DPT: variants seen among roughly 807,000 people sequenced by gnomAD.
DPT encodes the protein tyrosine-rich acidic matrix protein.
DPT carries 21 observed loss-of-function variants against 31.2 expected under a neutral mutation model. The ratio of observed to expected loss-of-function variants is 0.67; its 90% confidence interval spans 0.48 to 0.97. The LOEUF (loss-of-function observed/expected upper bound fraction) is 0.97. Ranked by LOEUF, DPT falls within the 50% of genes least tolerant of loss-of-function variation. The pLI, the probability that DPT is intolerant of heterozygous loss-of-function variation, is 0.00. For missense variants in DPT, 262 were observed against 258.8 expected, an observed-to-expected ratio of 1.01 and a Z score of -0.08; for synonymous variants, 91 against 86.9, an observed-to-expected ratio of 1.05 and a Z score of -0.26.
At chr1:168,719,786 G>A (rs1650061939) in intron 1 of DPT, among the ~76,000 whole-genome samples, 1 of 101,500 alleles carries the variant, frequency 9.9e-6, no homozygotes. Flanking sequence ...TCCCATCTGA[G>A]AAGACATACT....
intron 2 of DPT, among the ~76,000 whole-genome samples, chr1:168,712,151 A>T (rs1483998616): frequency 1.3e-5 from 2 of 152,212 alleles, no homozygotes; most frequent in East Asian, 3.9e-4. Flanking sequence ...TATCCTCCAG[A>T]CACTGGAAGT....
intron 1 of DPT, among the ~76,000 whole-genome samples, chr1:168,724,657 C>T (rs571454721): frequency 1.3e-5 from 2 of 152,170 alleles, no homozygotes; most frequent in Admixed American, 6.6e-5. Context: ...AAAGCATCCC[C>T]GAGGAAGTGG....
chr1:168,711,051 C>T (rs1043861004), intron 2 of DPT, among the ~76,000 whole-genome samples: 3 of 151,220 alleles, frequency 2.0e-5, no homozygotes, highest in African/African-American at 7.3e-5. Flanking sequence ...TGCTCTGTCG[C>T]CCAGGCTGGA....
intron 1 of DPT, among the ~76,000 whole-genome samples, chr1:168,723,155 G>A (rs1473158296): frequency 2.6e-5 from 4 of 152,196 alleles, no homozygotes; most frequent in Non-Finnish European, 5.9e-5. Flanking sequence ...GTCATCCTTA[G>A]GTGGATTTGA....
intron 1 of DPT, among the ~76,000 whole-genome samples, chr1:168,721,720 A>G (rs1384961461): frequency 6.6e-6 from 1 of 152,108 alleles, no homozygotes. Flanking sequence ...CCTAACACAT[A>G]CTGTCACTGA....
intron 2 of DPT, among the ~76,000 whole-genome samples, chr1:168,711,990 T>C (rs7532043): frequency 0.062 from 9,405 of 152,192 alleles, 944 homozygotes; most frequent in African/African-American, 0.21. Flanking sequence ...AAAAATTTTA[T>C]GTAAGAGAAT....
chr1:168,721,671 C>G (rs999029813), intron 1 of DPT, among the ~76,000 whole-genome samples: 2 of 152,172 alleles, frequency 1.3e-5, no homozygotes, highest in Admixed American at 6.5e-5. Context: ...ACTAACTTTC[C>G]TTCCTTGTGA....
At chr1:168,713,512 A>ATTTC (rs1649911160) in intron 2 of DPT, among the ~76,000 whole-genome samples, 1 of 152,158 alleles carries the variant, frequency 6.6e-6, no homozygotes, top group South Asian at 2.1e-4. Flanking sequence ...CAAGGCAGAA[A>ATTTC]TGCCTGGCTC....
At position 168,725,893 on chromosome 1, in the gene DPT, A is replaced by G. The variant is rs188092841; in HGVS notation, c.305+2977T>C. Among the ~76,000 whole-genome samples the G allele has an allele frequency of 8.3e-4, 127 of 152,352 alleles. 1 individual carries two copies. The highest frequency in any genetic ancestry group is 3.4e-3 in the Middle Eastern group (1 of 294). On this transcript the variant is annotated intron_variant, in intron 1 of 3. Coordinates refer to ENST00000367817, the MANE Select transcript of DPT (RefSeq NM_001937.5). Reference sequence around the variant, plus strand: ...CAAGGCAGCCCAACTGCACAAAACCATCAACAACTGTTCCCTGAGAACAGA... The same window carrying G: ...CAAGGCAGCCCAACTGCACAAAACCGTCAACAACTGTTCCCTGAGAACAGA...
chr1:168,727,449 C>T (rs1451063853), intron 1 of DPT, among the ~76,000 whole-genome samples: 1 of 152,164 alleles, frequency 6.6e-6, no homozygotes, highest in African/African-American at 2.4e-5. Context: ...CTCCCCCACC[C>T]ATCGGTGTTT....
At chr1:168,703,993 G>C (rs189816907) in intron 2 of DPT, among the ~76,000 whole-genome samples, 48 of 152,286 alleles carry the variant, frequency 3.2e-4, no homozygotes, top group Non-Finnish European at 1.9e-4. Flanking sequence ...GCTCCTTAGA[G>C]AGAAAAAAGA....
In DPT at chr1:168,728,948, G is replaced by T; in HGVS notation, c.227C>A (p.Ala76Asp). The change falls in exon 1 of 4, where the codon GCC becomes GAC. Residue 76 changes from alanine to aspartate, a missense_variant. By Grantham distance (126) the Ala-to-Asp change is moderately radical. Coordinates refer to ENST00000367817, the MANE Select transcript of DPT (RefSeq NM_001937.5). ...KEGSDRQWNY[A>D]CMPTPQSLGE... ...GAGGCTCTGTGGCGTGGGCATGCAGGCGTAGTTCCATTGTCTGTCAGAACC... is the reference window on the plus strand; with the variant it reads ...GAGGCTCTGTGGCGTGGGCATGCAGTCGTAGTTCCATTGTCTGTCAGAACC... The T allele has an allele frequency of 6.2e-7, 1 of 1,614,210 alleles. No homozygotes were observed. The highest frequency in any genetic ancestry group is 2.2e-5 in the East Asian group (1 of 44,892).
At chr1:168,711,563 C>T (rs56000064) in intron 2 of DPT, among the ~76,000 whole-genome samples, 21,509 of 152,246 alleles carry the variant, frequency 0.14, 1,694 homozygotes, top group African/African-American at 0.18. Flanking sequence ...TGAGTTAGTA[C>T]ATCTAACAAC....
At chr1:168,714,995 T>C (rs982001462) in intron 1 of DPT, among the ~76,000 whole-genome samples, 6 of 151,960 alleles carry the variant, frequency 3.9e-5, no homozygotes, top group African/African-American at 1.5e-4. Flanking sequence ...CCATGGCATG[T>C]TTTTCTCAGA....
intron 2 of DPT, among the ~76,000 whole-genome samples, chr1:168,708,538 C>T (rs781149815): frequency 2.0e-5 from 3 of 152,218 alleles, no homozygotes; most frequent in Non-Finnish European, 4.4e-5. Flanking sequence ...TTCCAGCTTG[C>T]GCAGAGGACC....
intron 2 of DPT, among the ~76,000 whole-genome samples, chr1:168,702,160 G>A (rs1055130969): frequency 1.3e-5 from 2 of 152,118 alleles, no homozygotes; most frequent in East Asian, 1.9e-4. Context: ...CCCCAGGGAC[G>A]CTTGGAAAAC....
chr1:168,716,704 T>C (rs752188126), intron 1 of DPT, among the ~76,000 whole-genome samples: 4 of 152,160 alleles, frequency 2.6e-5, no homozygotes, highest in African/African-American at 7.2e-5. Context: ...CTCCCTCTCC[T>C]CACACTCTAC....
chr1:168,704,631 A>G (rs941030342), intron 2 of DPT, among the ~76,000 whole-genome samples: 5 of 152,136 alleles, frequency 3.3e-5, no homozygotes, highest in Non-Finnish European at 7.4e-5. Context: ...TTTCAGATGA[A>G]TGACTCTTGT....
At chr1:168,728,738 C>G (rs753854651) in intron 1 of DPT, 132 bp downstream of exon 1, 14 of 1,090,500 alleles carry the variant, frequency 1.3e-5, no homozygotes, top group East Asian at 1.3e-4. Context: ...CCAGAGCATG[C>G]AGTGGTGAGG....
Sources: allele counts gnomAD v4.1 joint callset (sites outside exome capture counted in the v4.1 genomes callset), GRCh38; gene constraint gnomAD v4.1.1; transcripts MANE v1.5; gene names NCBI Gene and HGNC (gene_info 2026-07-23, HGNC 2026-07-21).